Variants in SLC25A21 observed in about 807,000 individuals in gnomAD.
SLC25A21 encodes the protein mitochondrial 2-oxodicarboxylate carrier.
In SLC25A21, 47 loss-of-function variants were observed where a neutral mutation model predicts 43.8. The ratio of observed to expected loss-of-function variants is 1.07; its 90% CI spans 0.85 to 1.37. The LOEUF (loss-of-function observed/expected upper bound fraction) is 1.37. SLC25A21 is among the 40% of genes most tolerant of loss of function. The pLI is 0.00. For synonymous variants in SLC25A21, 131 were observed against 121.3 expected (o/e 1.08, Z -0.52); for missense variants, 352 against 350.2 (o/e 1.00, Z -0.04).
At chr14:37,079,184 G>A in intron 1 of SLC25A21, among the ~76,000 whole-genome samples, 1 of 152,078 alleles carries the variant, frequency 6.6e-6, no homozygotes, top group East Asian at 1.9e-4. Flanking sequence ...ACGTACAACT[G>A]GTCACCCTCA....
chr14:36,865,144 T>C (rs1890178819), intron 2 of SLC25A21, among the ~76,000 whole-genome samples: 1 of 152,056 alleles, frequency 6.6e-6, no homozygotes, highest in Non-Finnish European at 1.5e-5. Context: ...CTGTTCATTT[T>C]AAAGTTCAAG....
chr14:36,976,185 C>G lies in SLC25A21; in HGVS notation c.71-101181G>C, dbSNP rs17105831. Among the ~76,000 whole-genome samples, 711 of 152,194 alleles carry G rather than the reference C, an allele frequency of 4.7e-3. 8 individuals are homozygous for G. Among genetic ancestry groups the G allele is most frequent in the East Asian group, 0.041 (211 of 5,166 alleles). On this transcript the variant is annotated intron_variant, in intron 1 of 9. Transcript: ENST00000331299. ...ATCTGCACAGTGTACAGCAGACCAC[C>G]AATCATGCAGCATAGGAGAGAAGGA...
chr14:36,885,540 T>A (rs1275278271), intron 1 of SLC25A21, among the ~76,000 whole-genome samples: 2 of 152,192 alleles, frequency 1.3e-5, no homozygotes, highest in African/African-American at 4.8e-5. Flanking sequence ...AATCTGTATA[T>A]CATTTTGAGT....
At chr14:36,775,562 C>G (rs1278729334) in intron 3 of SLC25A21, among the ~76,000 whole-genome samples, 1 of 152,152 alleles carries the variant, frequency 6.6e-6, no homozygotes, top group African/African-American at 2.4e-5. Flanking sequence ...GCTAAAGTCC[C>G]TGGCATAGAC....
intron 1 of SLC25A21, among the ~76,000 whole-genome samples, chr14:37,054,380 A>G (rs1566846167): frequency 6.6e-6 from 1 of 152,206 alleles, no homozygotes; most frequent in Non-Finnish European, 1.5e-5. Flanking sequence ...CCTGACCTAT[A>G]CAATCATGTG....
chr14:36,893,003 A>G (rs1210356216), intron 1 of SLC25A21, among the ~76,000 whole-genome samples: 5 of 152,212 alleles, frequency 3.3e-5, no homozygotes, highest in Non-Finnish European at 7.3e-5. Context: ...GTGCTGCAAT[A>G]AACATACGTG....
rs550987687 is a variant in SLC25A21 at position 36,774,077 on chromosome 14, C to A, written c.204-39504G>T. Among the ~76,000 whole-genome samples, 11 of 152,302 alleles carry A rather than the reference C, an allele frequency of 7.2e-5. No homozygotes were observed. The South Asian group carries it at 8.3e-4, about 11-fold the overall frequency. Reference sequence around the variant, plus strand: ...ACTCCTTCCTCTATGGAGGGAACTTCTAGGAGTGCTTTCTTTGTGTTCCCC... The same window carrying A: ...ACTCCTTCCTCTATGGAGGGAACTTATAGGAGTGCTTTCTTTGTGTTCCCC... On this transcript the variant is annotated intron_variant, in intron 3 of 9. Transcript: ENST00000331299.
chr14:36,695,476 C>T (rs1882976584), intron 7 of SLC25A21, among the ~76,000 whole-genome samples: 1 of 152,124 alleles, frequency 6.6e-6, no homozygotes, highest in African/African-American at 2.4e-5. Flanking sequence ...ATGGGGATGG[C>T]ATTGAATCTA....
intron 1 of SLC25A21, among the ~76,000 whole-genome samples, chr14:36,947,930 T>C (rs1315885641): frequency 1.3e-5 from 2 of 152,210 alleles, no homozygotes; most frequent in South Asian, 2.1e-4. Context: ...TGGAAATAAA[T>C]AGTGAAAGCT....
At chr14:37,159,003 A>G (rs555527119) in intron 1 of SLC25A21, among the ~76,000 whole-genome samples, 1 of 152,238 alleles carries the variant, frequency 6.6e-6, no homozygotes, top group East Asian at 1.9e-4. Context: ...AAACATATAA[A>G]ATACCTGGAA....
intron 2 of SLC25A21, among the ~76,000 whole-genome samples, chr14:36,824,023 A>G (rs2138466308): frequency 6.6e-6 from 1 of 152,344 alleles, no homozygotes; most frequent in East Asian, 1.9e-4. Flanking sequence ...GCCACTCTAC[A>G]GAAAGTATGC....
At chr14:36,998,202 C>G (rs936154421) in intron 1 of SLC25A21, among the ~76,000 whole-genome samples, 3 of 152,134 alleles carry the variant, frequency 2.0e-5, no homozygotes, top group African/African-American at 7.2e-5. Context: ...TGAGATTTCT[C>G]AGAGCCTTAA....
intron 1 of SLC25A21, among the ~76,000 whole-genome samples, chr14:37,030,092 T>A (rs914440957): frequency 6.6e-6 from 1 of 152,130 alleles, no homozygotes; most frequent in Non-Finnish European, 1.5e-5. Flanking sequence ...CTGGAAGCCT[T>A]ACCAATAACA....
intron 1 of SLC25A21, among the ~76,000 whole-genome samples, chr14:36,986,837 T>C (rs1488646995): frequency 6.6e-6 from 1 of 152,176 alleles, no homozygotes; most frequent in Non-Finnish European, 1.5e-5. Flanking sequence ...AAGAAGGCTT[T>C]GAATATTGGG....
At chr14:36,854,364 A>T (rs1391608906) in intron 2 of SLC25A21, among the ~76,000 whole-genome samples, 1 of 152,228 alleles carries the variant, frequency 6.6e-6, no homozygotes, top group African/African-American at 2.4e-5. Context: ...AGGATGAGAG[A>T]CTTTTCCCCA....
rs527377337 is a variant in SLC25A21, at chr14:37,057,272, T to C, written c.70+115009A>G. On this transcript the variant is annotated intron_variant, in intron 1 of 9. Transcript: ENST00000331299. ...AATTTTGTTTTGCTTTTATCTATGA[T>C]ACAGTAACAGTTGGAATCCTAAAAA... Among the ~76,000 whole-genome samples the C allele has an allele frequency of 2.0e-5, 3 of 152,332 alleles. No individual in the cohort carries two copies. The South Asian group carries it at 6.2e-4, about 32-fold the overall frequency.
Position 37,025,405 on chromosome 14 carries a change from G to A in SLC25A21, c.70+146876C>T, listed in dbSNP as rs10143006. The stretch of plus-strand genomic sequence containing the variant: ...CATTATTATTGTTATCTTGGCATGT[G>A]CCTGTTGATGGTCATGACAGAAGCA... On this transcript the variant is annotated intron_variant, in intron 1 of 9. Coordinates refer to ENST00000331299, the MANE Select transcript of SLC25A21 (RefSeq NM_030631.4). Among the ~76,000 whole-genome samples the A allele has an allele frequency of 9.7e-3, 1,473 of 152,204 alleles. 20 individuals are homozygous for A. Among genetic ancestry groups the A allele is most frequent in the African/African-American group, 0.034 (1,410 of 41,544 alleles).
chr14:36,865,915 T>C (rs1890201052), intron 2 of SLC25A21, among the ~76,000 whole-genome samples: 3 of 152,128 alleles, frequency 2.0e-5, no homozygotes, highest in South Asian at 2.1e-4. Context: ...CAGTGATTAA[T>C]ATGTTTTGAG....
chr14:36,863,220 C>T (rs1273629554), intron 2 of SLC25A21, among the ~76,000 whole-genome samples: 1 of 152,156 alleles, frequency 6.6e-6, no homozygotes, highest in African/African-American at 2.4e-5. Context: ...CCATCTCATC[C>T]TCAGGCTGGG....
Sources: allele counts gnomAD v4.1 joint callset (sites outside exome capture counted in the v4.1 genomes callset), GRCh38; gene constraint gnomAD v4.1.1; transcripts MANE v1.5; gene names NCBI Gene and HGNC (gene_info 2026-07-23, HGNC 2026-07-21).